The following RARB variants were observed in gnomAD, a reference collection of about 807,000 sequenced individuals.
RARB encodes the protein HBV-activated protein.
RARB carries 17 observed loss-of-function variants against 51.9 expected under a neutral mutation model. The observed-to-expected ratio is 0.33, with a 90% CI of 0.22 to 0.49. The LOEUF is 0.49. RARB is among the 20% of genes least tolerant of loss of function. RARB has a pLI of 0.99. For missense variants in RARB, 369 were observed against 550.8 expected (o/e 0.67, Z 3.30); for synonymous variants, 215 against 195.4 (o/e 1.10, Z -0.84).
chr3:25,033,372 A>G (rs1400406866), intron 2 of RARB, among the ~76,000 whole-genome samples: 4 of 152,210 alleles, frequency 2.6e-5, no homozygotes, highest in Non-Finnish European at 4.4e-5. Context: ...CTTCCCAGTC[A>G]TGGGAGAAGC....
intron 3 of RARB, among the ~76,000 whole-genome samples, chr3:25,108,931 A>G (rs968537930): frequency 2.6e-5 from 4 of 152,156 alleles, no homozygotes; most frequent in Non-Finnish European, 5.9e-5. Flanking sequence ...CTCTGTATAA[A>G]ATTAGCATGC....
intron 2 of RARB, among the ~76,000 whole-genome samples, chr3:25,488,700 T>C (rs1696586260): frequency 1.3e-5 from 2 of 152,212 alleles, no homozygotes. Flanking sequence ...GTAATTTTGA[T>C]ACAGGAAATA....
intron 5 of RARB, among the ~76,000 whole-genome samples, chr3:25,593,165 C>CT (rs200612408): frequency 0.013 from 1,886 of 144,932 alleles, 20 homozygotes; most frequent in East Asian, 0.056. Flanking sequence ...TCTTATTCAT[C>CT]TTTTTTTTTT....
chr3:24,972,160 C>T lies in RARB; in HGVS notation c.-379-87965C>T, dbSNP rs116104964. On this transcript the variant is annotated intron_variant, in intron 2 of 11. Transcript: ENST00000383772. Reference sequence around the variant, plus strand: ...CAGCCTACCTTCCTCCCTACGCTTTCTGGCCTCTCGTCACCACCAACCTAC... The same window carrying T: ...CAGCCTACCTTCCTCCCTACGCTTTTTGGCCTCTCGTCACCACCAACCTAC... Among the ~76,000 whole-genome samples the T allele has an allele frequency of 7.6e-3, 1,152 of 151,972 alleles. 12 individuals carry two copies. Among genetic ancestry groups the T allele is most frequent in the African/African-American group, 0.026 (1,077 of 41,430 alleles).
Position 25,577,221 on chromosome 3 carries a change from C to T in RARB, c.610-3325C>T, listed in dbSNP as rs531996160. Among the ~76,000 whole-genome samples, 4 of 152,300 alleles carry T rather than the reference C, an allele frequency of 2.6e-5. No homozygotes were observed. In the East Asian group the frequency reaches 5.8e-4, roughly 22 times the overall value. On this transcript the variant is annotated intron_variant, in intron 4 of 7. Transcript: ENST00000330688. ...CCTCCGGTTCGCCCGCGGGATCTTG[C>T]ACAAATGATTGCACTTCTGTGGGCC...
chr3:25,249,171 C>T (rs1010168434), intron 5 of RARB, among the ~76,000 whole-genome samples: 2 of 151,968 alleles, frequency 1.3e-5, no homozygotes, highest in African/African-American at 4.8e-5. Flanking sequence ...TTCAGACAAC[C>T]TGTCTTCAAG....
intron 5 of RARB, among the ~76,000 whole-genome samples, chr3:25,282,123 A>G (rs1466626144): frequency 1.3e-5 from 2 of 152,232 alleles, no homozygotes. Flanking sequence ...TAGTTGTTTC[A>G]TGCAGGAAGA....
At chr3:25,170,446 C>T (rs559178935) in intron 4 of RARB, among the ~76,000 whole-genome samples, 1 of 152,238 alleles carries the variant, frequency 6.6e-6, no homozygotes, top group African/African-American at 2.4e-5. Context: ...GTAGGTCTCT[C>T]CGGTGGGGCC....
chr3:25,197,480 A>T (rs1051652914), intron 5 of RARB, among the ~76,000 whole-genome samples: 10 of 151,966 alleles, frequency 6.6e-5, no homozygotes, highest in African/African-American at 2.4e-4. Context: ...AAGGCATCCA[A>T]ATTGAAGGAG....
chr3:24,839,954 C>G (rs751827138), intron 1 of RARB, among the ~76,000 whole-genome samples: 1 of 152,060 alleles, frequency 6.6e-6, no homozygotes, highest in Non-Finnish European at 1.5e-5. Context: ...TGAGTGGGAG[C>G]AGGGGATTGG....
At chr3:24,847,141 G>A (rs567984611) in intron 1 of RARB, among the ~76,000 whole-genome samples, 5 of 152,288 alleles carry the variant, frequency 3.3e-5, no homozygotes, top group South Asian at 2.1e-4. Context: ...GGACCACACC[G>A]AATCAGGTAG....
intron 2 of RARB, among the ~76,000 whole-genome samples, chr3:24,939,703 C>T (rs1695619506): frequency 6.6e-6 from 1 of 152,126 alleles, no homozygotes; most frequent in South Asian, 2.1e-4. Flanking sequence ...CTATGAAAAC[C>T]ATCACGCTGA....
chr3:24,917,278 G>A (rs559111553), intron 2 of RARB, among the ~76,000 whole-genome samples: 16 of 152,144 alleles, frequency 1.1e-4, no homozygotes, highest in Admixed American at 2.0e-4. Context: ...TTTTAGATAT[G>A]ACATGAAAAG....
intron 5 of RARB, among the ~76,000 whole-genome samples, chr3:25,398,131 A>G (rs1401007192): frequency 6.6e-6 from 1 of 152,166 alleles, no homozygotes; most frequent in Non-Finnish European, 1.5e-5. Context: ...AGTTTCCACC[A>G]AAATAGAAAG....
At chr3:25,060,512 A>G (rs998201237) in intron 3 of RARB, among the ~76,000 whole-genome samples, 5 of 151,852 alleles carry the variant, frequency 3.3e-5, no homozygotes, top group South Asian at 2.1e-4. Flanking sequence ...CAGATACTCA[A>G]CCTTGCTGTT....
chr3:24,874,834 C>T (rs1486248813), intron 2 of RARB, among the ~76,000 whole-genome samples: 1 of 151,694 alleles, frequency 6.6e-6, no homozygotes, highest in Non-Finnish European at 1.5e-5. Context: ...TGTATATTTT[C>T]ATTTTTTGCC....
chr3:25,293,707 G>C (rs769269609), intron 5 of RARB, among the ~76,000 whole-genome samples: 1 of 149,630 alleles, frequency 6.7e-6, no homozygotes, highest in Non-Finnish European at 1.5e-5. Context: ...CTTTGCTTTC[G>C]TCTGATTAAA....
intron 2 of RARB, among the ~76,000 whole-genome samples, chr3:24,902,865 C>T (rs944260471): frequency 1.3e-5 from 2 of 152,058 alleles, no homozygotes; most frequent in African/African-American, 2.4e-5. Flanking sequence ...ACTAAAACTT[C>T]AGTTTAAGGG....
At chr3:24,952,963 T>C (rs1482157482) in intron 2 of RARB, among the ~76,000 whole-genome samples, 1 of 152,114 alleles carries the variant, frequency 6.6e-6, no homozygotes, top group Non-Finnish European at 1.5e-5. Context: ...GCAAAGCATA[T>C]TAAGTATGAA....
Sources: gnomAD v4.1 joint callset for allele counts (sites outside exome capture counted in the v4.1 genomes callset) on GRCh38, gnomAD v4.1.1 for gene constraint, MANE v1.5 for transcripts, NCBI Gene and HGNC (gene_info 2026-07-23, HGNC 2026-07-21) for gene names.